PANK3: variants seen among roughly 807,000 people sequenced by gnomAD.
PANK3 encodes hPanK3.
In PANK3, 20 loss-of-function variants were observed where a neutral mutation model predicts 39.4. The observed-to-expected ratio is 0.51, with a 90% CI of 0.36 to 0.74. The LOEUF is 0.74. PANK3 is among the 30% of genes least tolerant of loss of function. PANK3 has a pLI of 0.00. For synonymous variants in PANK3, 140 were observed against 157.3 expected, an observed-to-expected ratio of 0.89 and a Z score of 0.82; for missense variants, 265 against 437.0, an observed-to-expected ratio of 0.61 and a Z score of 3.51.
chr5:168,577,604 G>C (rs1020907116), intron 1 of PANK3, among the ~76,000 whole-genome samples: 6 of 152,182 alleles, frequency 3.9e-5, no homozygotes, highest in Admixed American at 2.0e-4. Flanking sequence ...CTCTCAAAGT[G>C]CTGGGATTTC....
chr5:168,558,417 G>T (rs2113105460), intron 6 of PANK3, among the ~76,000 whole-genome samples: 1 of 152,188 alleles, frequency 6.6e-6, no homozygotes, highest in South Asian at 2.1e-4. Context: ...GTCCGCCTTG[G>T]CCTCCCAAAG....
chr5:168,568,520 A>C (rs1759569898), intron 2 of PANK3, 126 bp downstream of exon 2: 1 of 754,692 alleles, frequency 1.3e-6, no homozygotes, highest in Non-Finnish European at 2.1e-6. Context: ...CCCCAAGTGA[A>C]AGGCAACCAT....
rs916320111 is a variant in PANK3, at chr5:168,568,790, T to C, written c.237A>G (p.Arg79=). ...GAAACCTGATAAAGTGCAAGTTCCCTCTTCGGCCAAAAAGTGTTAAATCTT... is the reference window on the plus strand; with the variant it reads ...GAAACCTGATAAAGTGCAAGTTCCCCCTTCGGCCAAAAAGTGTTAAATCTT... The part of the protein sequence containing the change: ...ELKDLTLFGR[R]GNLHFIRFPT... The change falls in exon 2 of 7, where the codon AGA becomes AGG. Residue 79 remains arginine, a synonymous_variant. Coordinates refer to ENST00000239231, the MANE Select transcript of PANK3 (RefSeq NM_024594.4). 1 of 1,614,040 alleles carries C rather than the reference T, an allele frequency of 6.2e-7. No homozygotes were observed. Among genetic ancestry groups the C allele is most frequent in the Admixed American group, 1.7e-5 (1 of 60,014 alleles).
chr5:168,560,987 G>T (rs773420180), intron 5 of PANK3: 4 of 496,746 alleles, frequency 8.1e-6, no homozygotes, highest in Non-Finnish European at 1.7e-5. Context: ...AAACTTCCAA[G>T]AATTTCACTA....
At chr5:168,565,537 T>TAA (rs1759510376) in intron 3 of PANK3, among the ~76,000 whole-genome samples, 1 of 152,036 alleles carries the variant, frequency 6.6e-6, no homozygotes, top group Non-Finnish European at 1.5e-5. Context: ...ATAAACATAA[T>TAA]AAAGTTTAAA....
At chr5:168,579,176 G>A in intron 1 of PANK3, 80 bp downstream of exon 1, 2 of 1,326,370 alleles carry the variant, frequency 1.5e-6, no homozygotes, top group Admixed American at 3.5e-5. Context: ...GGGCTTGGAA[G>A]CCGACCGCCC....
Position 168,556,761 on chromosome 5 carries a change from C to G in PANK3, c.*810G>C, listed in dbSNP as rs1759355568. ...ATAAAAGTTCTGAATGTATATATGACCAAAACAAACAAACAAAAAGAGCAC... is the reference window on the plus strand; with the variant it reads ...ATAAAAGTTCTGAATGTATATATGAGCAAAACAAACAAACAAAAAGAGCAC... On this transcript the variant is annotated 3_prime_UTR_variant, in exon 7 of 7. Transcript: ENST00000239231. 6.6e-6 allele frequency: 1 copy of G among 152,440 alleles called. No individual in the cohort carries two copies. Among genetic ancestry groups the G allele is most frequent in the South Asian group, 2.1e-4 (1 of 4,816 alleles). The allele number at this position is 152,440 out of a possible 1,614,324, so 9.4% of individuals were successfully genotyped here.
At position 168,557,502 on chromosome 5, in the gene PANK3, C is replaced by T. The variant is rs1465937253; in HGVS notation, c.*69G>A. On this transcript the variant is annotated 3_prime_UTR_variant, in exon 7 of 7. Coordinates refer to ENST00000239231, the MANE Select transcript of PANK3 (RefSeq NM_024594.4). ...CTTTGGTTCCCAGTGACAAACAATG[C>T]AGTAATAATGCCTCTGGTTTTAGTT... 2.2e-6 allele frequency: 3 copies of T among 1,351,232 alleles called. No individual in the cohort carries two copies. Among genetic ancestry groups the T allele is most frequent in the East Asian group, 2.3e-5 (1 of 43,528 alleles). 83.7% of individuals were successfully genotyped at this position (1,351,232 alleles called of 1,614,324 possible).
At chr5:168,567,033 T>A (rs1382805676) in intron 2 of PANK3, among the ~76,000 whole-genome samples, 3 of 152,226 alleles carry the variant, frequency 2.0e-5, no homozygotes, top group African/African-American at 7.2e-5. Context: ...CGTGAGCCAC[T>A]GTGCCCAACC....
chr5:168,561,586 T>C (rs1759449359), intron 4 of PANK3, 70 bp from the exon 5 acceptor site: 1 of 1,273,930 alleles, frequency 7.8e-7, no homozygotes, highest in African/African-American at 1.5e-5. Flanking sequence ...AACAGATATA[T>C]CTACAACCTG....
intron 1 of PANK3, among the ~76,000 whole-genome samples, chr5:168,579,017 G>A (rs1353468123): frequency 6.6e-6 from 1 of 152,232 alleles, no homozygotes; most frequent in Middle Eastern, 3.2e-3. Context: ...GCACCTCCCA[G>A]ATCTCGAAGA....
intron 1 of PANK3, 32 bp from the exon 2 acceptor site, chr5:168,569,030 A>ATATATATATATATAT (rs1554125889): frequency 3.3e-4 from 40 of 120,234 alleles, no homozygotes; most frequent in African/African-American, 1.7e-3. Context: ...AAAAAAAAAA[A>ATATATATATATATAT]ATATATATAT....
intron 2 of PANK3, among the ~76,000 whole-genome samples, chr5:168,566,620 G>A (rs1759539606): frequency 6.6e-6 from 1 of 152,196 alleles, no homozygotes; most frequent in Admixed American, 6.5e-5. Context: ...CATTTTTATA[G>A]TGGCAGTAGG....
intron 4 of PANK3, among the ~76,000 whole-genome samples, chr5:168,562,194 CAG>C (rs1759458835): frequency 6.6e-6 from 1 of 152,004 alleles, no homozygotes; most frequent in Non-Finnish European, 1.5e-5. Flanking sequence ...CTAACAGTAA[CAG>C]GGAAAAAATC....
chr5:168,575,004 A>AT lies in PANK3; in HGVS notation c.28+4251dup, dbSNP rs879423864. On this transcript the variant is annotated intron_variant, in intron 1 of 6. Transcript: ENST00000239231. ...CCTACTTACGGCATATAACCTTAAC[A>AT]TTTTTTTTTTCAGAATAAAACATTC... Among the ~76,000 whole-genome samples, 393 of 150,098 alleles carry AT rather than the reference A, an allele frequency of 2.6e-3. 2 individuals carry two copies. The highest frequency in any genetic ancestry group is 4.2e-3 in the African/African-American group (173 of 40,912).
intron 1 of PANK3, among the ~76,000 whole-genome samples, chr5:168,572,414 G>C (rs1446553448): frequency 6.6e-6 from 1 of 152,172 alleles, no homozygotes; most frequent in African/African-American, 2.4e-5. Context: ...TCCGAAAAGA[G>C]AGTCAGCAAA....
intron 1 of PANK3, among the ~76,000 whole-genome samples, chr5:168,569,765 A>G (rs1359661832): frequency 6.6e-6 from 1 of 152,148 alleles, no homozygotes; most frequent in Non-Finnish European, 1.5e-5. Flanking sequence ...TTAAAAAGCA[A>G]TTCCTGCCAG....
chr5:168,573,964 G>A (rs1759689862), intron 1 of PANK3, among the ~76,000 whole-genome samples: 1 of 152,006 alleles, frequency 6.6e-6, no homozygotes. Flanking sequence ...TGTGAATAAT[G>A]CTGCAATAAA....
At chr5:168,574,844 A>G (rs1759706544) in intron 1 of PANK3, among the ~76,000 whole-genome samples, 1 of 152,002 alleles carries the variant, frequency 6.6e-6, no homozygotes, top group Non-Finnish European at 1.5e-5. Flanking sequence ...CTGGGCGACA[A>G]AAGCGAGACT....
Sources: gnomAD v4.1 joint callset for allele counts (sites outside exome capture counted in the v4.1 genomes callset) on GRCh38, gnomAD v4.1.1 for gene constraint, MANE v1.5 for transcripts, NCBI Gene and HGNC (gene_info 2026-07-23, HGNC 2026-07-21) for gene names.